The following MUSK variants were observed in gnomAD, a reference collection of about 807,000 sequenced individuals.
The protein encoded by MUSK is muscle associated receptor tyrosine kinase.
In MUSK, 55 loss-of-function variants were observed where a neutral mutation model predicts 88.7. The observed-to-expected ratio is 0.62, with a 90% CI of 0.50 to 0.78. The LOEUF (loss-of-function observed/expected upper bound fraction) is 0.78, where lower values mean the gene tolerates loss of function less well. Ranked by LOEUF, MUSK falls within the 30% of genes least tolerant of loss-of-function variation. The pLI is 0.00. For synonymous variants in MUSK, 387 were observed against 391.9 expected (o/e 0.99, Z 0.15); for missense variants, 1,015 against 1,074.3 (o/e 0.94, Z 0.77).
chr9:110,703,051 C>T lies in MUSK; in HGVS notation c.628+5585C>T, dbSNP rs541305027. ...CTTTACCCAAGTTACATAGGCTTTT[C>T]ATGGATATACCTACACTGAGGATGA... On this transcript the variant is annotated intron_variant, in intron 5 of 14. Transcript: ENST00000374448. 4.6e-5 allele frequency among the ~76,000 whole-genome samples: 7 copies of T among 152,216 alleles called. No homozygotes were observed. In the South Asian group the frequency reaches 1.0e-3, roughly 23 times the overall value.
At position 110,800,808 on chromosome 9, in the gene MUSK, G is replaced by C. The variant is rs1455145377; in HGVS notation, c.2430G>C (p.Glu810Asp). ...LQPYYGMAHE[E>D]VIYYVRDGNI... Reference sequence around the variant, plus strand: ...CCTACTATGGGATGGCCCATGAGGAGGTCATTTACTACGTGCGAGATGGCA... The same window carrying C: ...CCTACTATGGGATGGCCCATGAGGACGTCATTTACTACGTGCGAGATGGCA... Residue 810 changes from glutamate (E) to aspartate (D), a missense_variant, in exon 15 of 15, where the codon GAG (glutamate) becomes GAC (aspartate). Coordinates refer to ENST00000374448, the MANE Select transcript of MUSK (RefSeq NM_005592.4). 1 of 1,613,436 alleles carries C rather than the reference G, an allele frequency of 6.2e-7. No homozygotes were observed. The highest frequency in any genetic ancestry group is 1.7e-5 in the Admixed American group (1 of 59,982).
At chr9:110,773,904 A>T (rs2077621971) in intron 9 of MUSK, among the ~76,000 whole-genome samples, 1 of 152,176 alleles carries the variant, frequency 6.6e-6, no homozygotes, top group Admixed American at 6.5e-5. Flanking sequence ...TGAGATTCAA[A>T]ATATTTGTAA....
intron 1 of MUSK, among the ~76,000 whole-genome samples, chr9:110,673,114 A>T (rs1037371660): frequency 6.6e-6 from 1 of 152,208 alleles, no homozygotes; most frequent in Non-Finnish European, 1.5e-5. Context: ...TGATTGTGTC[A>T]GTGAAAACCG....
chr9:110,779,222 TGAAA>T, intron 11 of MUSK, among the ~76,000 whole-genome samples: 1 of 152,150 alleles, frequency 6.6e-6, no homozygotes, highest in East Asian at 1.9e-4. Context: ...TCTCCCACAA[TGAAA>T]GAATCTTTTC....
In MUSK at chr9:110,785,692, A is replaced by T; in HGVS notation, c.1752A>T (p.Gly584=). 2 of 1,606,700 alleles carry T rather than the reference A, an allele frequency of 1.2e-6. No individual in the cohort carries two copies. The highest frequency in any genetic ancestry group is 1.7e-6 in the Non-Finnish European group (2 of 1,175,744). Residue 584 remains glycine, a synonymous_variant, in exon 13 of 15, where the codon GGA becomes GGT. Coordinates refer to ENST00000374448, the MANE Select transcript of MUSK (RefSeq NM_005592.4). ...NIEYVRDIGE[G]AFGRVFQARA... ...AATATGTGAGAGACATCGGAGAGGG[A>T]GCGTTTGGAAGGGTGTTTCAAGCAA...
At chr9:110,669,588 T>G (rs73536260) in intron 1 of MUSK, among the ~76,000 whole-genome samples, 3,442 of 152,290 alleles carry the variant, frequency 0.023, 126 homozygotes, top group African/African-American at 0.079. Flanking sequence ...AAAGTTTTTT[T>G]CAGAGCCTTT....
At chr9:110,704,511 A>C (rs2076571136) in intron 5 of MUSK, among the ~76,000 whole-genome samples, 1 of 152,186 alleles carries the variant, frequency 6.6e-6, no homozygotes, top group Non-Finnish European at 1.5e-5. Context: ...TCATGTATTT[A>C]ATAAGTACTT....
At chr9:110,679,956 CAT>C (rs1177616221) in intron 1 of MUSK, among the ~76,000 whole-genome samples, 4 of 151,926 alleles carry the variant, frequency 2.6e-5, no homozygotes, top group African/African-American at 9.7e-5. Context: ...TTTAATATTC[CAT>C]AGTGTGTTAA....
At chr9:110,739,066 GTTCC>G (rs2077063727) in intron 6 of MUSK, among the ~76,000 whole-genome samples, 1 of 152,050 alleles carries the variant, frequency 6.6e-6, no homozygotes, top group South Asian at 2.1e-4. Flanking sequence ...TGTCTTCTTT[GTTCC>G]TTCCATTGGA....
chr9:110,774,887 A>G (rs2077642128), intron 9 of MUSK, among the ~76,000 whole-genome samples: 1 of 139,804 alleles, frequency 7.2e-6, no homozygotes, highest in Non-Finnish European at 1.5e-5. Flanking sequence ...ACACACACAC[A>G]CACACTCTTA....
At chr9:110,705,211 G>A (rs1403971010) in intron 5 of MUSK, among the ~76,000 whole-genome samples, 7 of 152,104 alleles carry the variant, frequency 4.6e-5, no homozygotes, top group Non-Finnish European at 8.8e-5. Flanking sequence ...TTGCAGTTCT[G>A]TTGCTCCATT....
rs553987175 is a variant in MUSK at position 110,729,026 on chromosome 9, A to T, written c.629-5225A>T. ...GCATGAGAGTATAAATCCCACATAG[A>T]TTGGAAAAGAAAGATACCCTTTGAC... On this transcript the variant is annotated intron_variant, in intron 5 of 14. Transcript: ENST00000374448. Among the ~76,000 whole-genome samples, 6 of 151,976 alleles carry T rather than the reference A, an allele frequency of 3.9e-5. No homozygotes were observed. The East Asian group carries it at 1.2e-3, about 30-fold the overall frequency.
chr9:110,766,036 C>G (rs576774316), intron 8 of MUSK, among the ~76,000 whole-genome samples: 12 of 152,286 alleles, frequency 7.9e-5, no homozygotes, highest in Admixed American at 6.5e-4. Context: ...GCACTCACTC[C>G]TCCCAGGCAA....
chr9:110,782,576 CAT>C (rs1339383743), intron 11 of MUSK, among the ~76,000 whole-genome samples: 2 of 152,166 alleles, frequency 1.3e-5, no homozygotes, highest in Non-Finnish European at 2.9e-5. Context: ...TATTCCCTCA[CAT>C]GTTATATATG....
At chr9:110,697,283 G>T in intron 4 of MUSK, 42 bp from the exon 5 acceptor site, 1 of 1,605,458 alleles carries the variant, frequency 6.2e-7, no homozygotes, top group South Asian at 1.1e-5. Flanking sequence ...ATCCTTGATA[G>T]ACCCATAAAC....
chr9:110,725,440 A>G (rs1008099663), intron 5 of MUSK, among the ~76,000 whole-genome samples: 2 of 152,044 alleles, frequency 1.3e-5, no homozygotes, highest in South Asian at 2.1e-4. Flanking sequence ...ATGGATTGCT[A>G]CTATGGTACT....
chr9:110,692,521 A>G (rs1280234629), intron 3 of MUSK, among the ~76,000 whole-genome samples: 2 of 151,666 alleles, frequency 1.3e-5, no homozygotes, highest in African/African-American at 4.8e-5. Context: ...AGAAAGGTAC[A>G]TTTTCTCTAT....
intron 2 of MUSK, among the ~76,000 whole-genome samples, chr9:110,686,563 A>C (rs2076198659): frequency 6.6e-6 from 1 of 152,138 alleles, no homozygotes. Context: ...AATAGGTAAT[A>C]TATGTAAAGC....
At chr9:110,758,606 A>C (rs889359921) in intron 7 of MUSK, among the ~76,000 whole-genome samples, 1 of 152,212 alleles carries the variant, frequency 6.6e-6, no homozygotes, top group African/African-American at 2.4e-5. Flanking sequence ...AAGGCATCCA[A>C]ATAGGAAGAG....
Sources: allele counts gnomAD v4.1 joint callset (sites outside exome capture counted in the v4.1 genomes callset), GRCh38; gene constraint gnomAD v4.1.1; transcripts MANE v1.5; gene names NCBI Gene and HGNC (gene_info 2026-07-23, HGNC 2026-07-21).